LRP1B: variants seen among roughly 807,000 people sequenced by gnomAD.
LRP1B encodes LDL receptor related protein 1B.
A neutral mutation model predicts 556.6 loss-of-function variants in LRP1B; 217 were observed. That is an observed-to-expected ratio of 0.39 (90% CI 0.35 to 0.44). The LOEUF is 0.44. LRP1B is among the 20% of genes least tolerant of loss of function. The pLI is 1.00. For synonymous variants in LRP1B, 2,047 were observed against 1,865.8 expected, an observed-to-expected ratio of 1.10 and a Z score of -2.50; for missense variants, 5,053 against 5,620.8, an observed-to-expected ratio of 0.90 and a Z score of 3.23.
chr2:141,193,982 T>C (rs1275724853), intron 6 of LRP1B, among the ~76,000 whole-genome samples: 1 of 152,068 alleles, frequency 6.6e-6, no homozygotes, highest in Non-Finnish European at 1.5e-5. Context: ...GCATTAAAAA[T>C]ACTTTTTCTC....
intron 1 of LRP1B, among the ~76,000 whole-genome samples, chr2:142,027,791 C>T (rs1270956894): frequency 6.6e-6 from 1 of 151,780 alleles, no homozygotes; most frequent in Non-Finnish European, 1.5e-5. Flanking sequence ...ATGTAATACT[C>T]TCCTAGTGAC....
At chr2:140,655,184 AAAT>A (rs1684835553) in intron 41 of LRP1B, among the ~76,000 whole-genome samples, 1 of 152,106 alleles carries the variant, frequency 6.6e-6, no homozygotes, top group Non-Finnish European at 1.5e-5. Context: ...TTATATAAGG[AAAT>A]AATTAAAATT....
At chr2:142,078,085 C>G (rs1292990503) in intron 1 of LRP1B, among the ~76,000 whole-genome samples, 1 of 152,020 alleles carries the variant, frequency 6.6e-6, no homozygotes, top group South Asian at 2.1e-4. Context: ...CAAAACATAC[C>G]CTGCACTTTG....
chr2:140,590,535 G>A (rs1204550624), intron 43 of LRP1B, among the ~76,000 whole-genome samples: 2 of 146,770 alleles, frequency 1.4e-5, no homozygotes, highest in Non-Finnish European at 3.0e-5. Context: ...TAATTTTATA[G>A]AATTTGTGGC....
rs550493351 is a variant in LRP1B, at chr2:140,384,026, C to T, written c.10531+1867G>A. ...AGATGTCAGTACAATGATATTCAGC[C>T]GCTTAGAAAACCGCAGCAGACTCAG... is the stretch of plus-strand genomic sequence containing the variant. On this transcript the variant is annotated intron_variant, in intron 67 of 90. Transcript: ENST00000389484. 7.9e-5 allele frequency among the ~76,000 whole-genome samples: 12 copies of T among 152,242 alleles called. No individual in the cohort carries two copies. The South Asian group carries it at 1.2e-3, about 16-fold the overall frequency.
intron 2 of LRP1B, among the ~76,000 whole-genome samples, chr2:141,528,174 G>A (rs1684754059): frequency 6.6e-6 from 1 of 151,688 alleles, no homozygotes; most frequent in African/African-American, 2.4e-5. Flanking sequence ...AAACATCCAA[G>A]TGTGTTCGTT....
At chr2:141,926,479 AAAAC>A (rs762674771) in intron 1 of LRP1B, among the ~76,000 whole-genome samples, 9 of 152,174 alleles carry the variant, frequency 5.9e-5, no homozygotes, top group African/African-American at 4.8e-5. Context: ...AACTCTAAAT[AAAAC>A]AAACAAAATA....
intron 7 of LRP1B, among the ~76,000 whole-genome samples, chr2:141,139,951 C>T (rs1210924709): frequency 6.6e-6 from 1 of 151,796 alleles, no homozygotes; most frequent in African/African-American, 2.4e-5. Flanking sequence ...AAATGTCCAT[C>T]AACAGGTGTA....
chr2:141,862,153 A>G (rs1698267126), intron 1 of LRP1B, among the ~76,000 whole-genome samples: 1 of 152,178 alleles, frequency 6.6e-6, no homozygotes, highest in South Asian at 2.1e-4. Context: ...GTGTTGCTGA[A>G]ACTAAACCTT....
At chr2:141,288,282 A>T (rs918784106) in intron 3 of LRP1B, among the ~76,000 whole-genome samples, 4 of 149,072 alleles carry the variant, frequency 2.7e-5, no homozygotes, top group Non-Finnish European at 6.0e-5. Context: ...ATTTTATGGA[A>T]ACTAAAAAAA....
chr2:141,392,799 T>G (rs1429912833), intron 3 of LRP1B, among the ~76,000 whole-genome samples: 1 of 152,190 alleles, frequency 6.6e-6, no homozygotes, highest in Non-Finnish European at 1.5e-5. Context: ...TCTTTCAATC[T>G]GTCGAGTCAT....
chr2:141,255,976 C>T (rs764484283), intron 3 of LRP1B, among the ~76,000 whole-genome samples: 6 of 151,782 alleles, frequency 4.0e-5, no homozygotes, highest in East Asian at 1.9e-4. Flanking sequence ...ATGCTAATCA[C>T]GCTGCTACAG....
intron 7 of LRP1B, among the ~76,000 whole-genome samples, chr2:141,068,821 T>A (rs1009174332): frequency 1.3e-5 from 2 of 152,036 alleles, no homozygotes; most frequent in Non-Finnish European, 2.9e-5. Context: ...TTCATTCCTA[T>A]ATATCATTCT....
intron 89 of LRP1B, 89 bp from the exon 90 acceptor site, chr2:140,234,973 C>A (rs372027469): frequency 3.2e-6 from 2 of 628,646 alleles, no homozygotes; most frequent in South Asian, 3.9e-5. Context: ...ATAAAAATAA[C>A]ATAAAAATAC....
At chr2:140,493,319 T>C (rs1341502954) in intron 56 of LRP1B, among the ~76,000 whole-genome samples, 1 of 152,182 alleles carries the variant, frequency 6.6e-6, no homozygotes, top group Non-Finnish European at 1.5e-5. Flanking sequence ...AGTATCTCAT[T>C]TACTTTAGAA....
chr2:140,436,878 A>G (rs1686207420), intron 66 of LRP1B, among the ~76,000 whole-genome samples: 1 of 152,186 alleles, frequency 6.6e-6, no homozygotes, highest in South Asian at 2.1e-4. Context: ...GAAAAGGCCA[A>G]GCTTCTAGGA....
chr2:140,701,610 GT>G, intron 40 of LRP1B, 110 bp downstream of exon 40: 1 of 1,002,212 alleles, frequency 1.0e-6, no homozygotes, highest in South Asian at 1.7e-5. Flanking sequence ...TAAAGATAAT[GT>G]TTTGAGGTTT....
rs1200974000 is a variant in LRP1B at position 141,876,867 on chromosome 2, T to G, written c.83-66466A>C. Among the ~76,000 whole-genome samples the G allele has an allele frequency of 2.0e-5, 3 of 152,028 alleles. No individual in the cohort carries two copies. In the South Asian group the frequency reaches 6.2e-4, roughly 32 times the overall value. On this transcript the variant is annotated intron_variant, in intron 1 of 90. Transcript: ENST00000389484. The stretch of plus-strand genomic sequence containing the variant: ...TGAAAACACGACTTGAAGATTCGAT[T>G]AAAGTCTTGAGTACTTTATCAACTA...
chr2:140,679,380 C>T (rs756386195), intron 41 of LRP1B, among the ~76,000 whole-genome samples: 3 of 152,142 alleles, frequency 2.0e-5, no homozygotes, highest in East Asian at 1.9e-4. Flanking sequence ...GTCTGGTCAA[C>T]GCCAAAGTGG....
Sources: allele counts gnomAD v4.1 joint callset (sites outside exome capture counted in the v4.1 genomes callset), GRCh38; gene constraint gnomAD v4.1.1; transcripts MANE v1.5; gene names NCBI Gene and HGNC (gene_info 2026-07-23, HGNC 2026-07-21).